The following MAP3K1 variants were observed in gnomAD, a reference collection of about 807,000 sequenced individuals.
MAP3K1 encodes the protein mitogen-activated protein kinase kinase kinase 1.
A neutral mutation model predicts 144.2 loss-of-function variants in MAP3K1; 36 were observed. That is an observed-to-expected ratio of 0.25 (90% CI 0.19 to 0.33). The LOEUF (loss-of-function observed/expected upper bound fraction) is 0.33, where lower values mean the gene tolerates loss of function less well. Ranked by LOEUF, MAP3K1 falls within the 10% of genes least tolerant of loss-of-function variation. The pLI is 1.00. For missense variants in MAP3K1, 1,650 were observed against 1,881.9 expected, an observed-to-expected ratio of 0.88 and a Z score of 2.28; for synonymous variants, 718 against 688.7, an observed-to-expected ratio of 1.04 and a Z score of -0.67.
rs1388270782 is a variant in MAP3K1 at position 56,881,136 on chromosome 5, C to T, written c.2233C>T (p.Gln745Ter). The T allele has an allele frequency of 6.2e-7, 1 of 1,613,664 alleles. No homozygotes were observed. ...TGTCTTAAATTGTATTCTTGGAAAC[C>T]AAACTGAATCAAACAATTGGCAAGA... ...DYVLNCILGN[Q>*]TESNNWQELL... Residue 745 changes from glutamine to a stop codon, truncating the protein, a stop_gained, in exon 13 of 20, where the codon CAA (glutamine) becomes TAA (stop). Coordinates refer to ENST00000399503, the MANE Select transcript of MAP3K1 (RefSeq NM_005921.2). LOFTEE classifies it high-confidence loss of function.
chr5:56,855,468 C>A (rs1302196322), intron 1 of MAP3K1, among the ~76,000 whole-genome samples: 2 of 152,182 alleles, frequency 1.3e-5, no homozygotes, highest in African/African-American at 4.8e-5. Flanking sequence ...GTTGCTGATA[C>A]AAAGATGTTT....
At chr5:56,835,431 G>A (rs1360326967) in intron 1 of MAP3K1, among the ~76,000 whole-genome samples, 2 of 139,542 alleles carry the variant, frequency 1.4e-5, no homozygotes, top group East Asian at 4.0e-4. Flanking sequence ...GGAAGGCAGG[G>A]AAGAGGAGAC....
At chr5:56,888,153 A>G (rs751400545) in intron 18 of MAP3K1, 73 bp from the exon 19 acceptor site, 62 of 1,372,510 alleles carry the variant, frequency 4.5e-5, no homozygotes, top group Non-Finnish European at 6.2e-5. Flanking sequence ...AAGGAAGTAG[A>G]ATCTATAACT....
intron 1 of MAP3K1, among the ~76,000 whole-genome samples, chr5:56,836,661 T>C (rs560316330): frequency 6.6e-6 from 1 of 152,108 alleles, no homozygotes; most frequent in Non-Finnish European, 1.5e-5. Flanking sequence ...TATTGAAGTT[T>C]TGTCTTGTGT....
chr5:56,839,135 A>G (rs1199782394), intron 1 of MAP3K1, among the ~76,000 whole-genome samples: 3 of 152,222 alleles, frequency 2.0e-5, no homozygotes, highest in African/African-American at 7.2e-5. Flanking sequence ...AGTAATCCAT[A>G]TGGTGCTCTT....
chr5:56,852,632 C>T (rs1171481761), intron 1 of MAP3K1, among the ~76,000 whole-genome samples: 4 of 152,112 alleles, frequency 2.6e-5, no homozygotes, highest in Non-Finnish European at 5.9e-5. Context: ...AAGGTAGTTT[C>T]TCAAAACACA....
intron 19 of MAP3K1, among the ~76,000 whole-genome samples, chr5:56,889,489 A>G (rs76125451): frequency 0.02 from 2,989 of 152,240 alleles, 119 homozygotes; most frequent in African/African-American, 0.066. Flanking sequence ...TATTTTAAAA[A>G]TTCACACCCA....
chr5:56,829,557 C>T (rs1474551582), intron 1 of MAP3K1, among the ~76,000 whole-genome samples: 2 of 152,104 alleles, frequency 1.3e-5, no homozygotes, highest in Non-Finnish European at 1.5e-5. Flanking sequence ...GGACATTCAG[C>T]AGTAATTATT....
At chr5:56,873,840 T>G (rs1747935408) in intron 9 of MAP3K1, among the ~76,000 whole-genome samples, 1 of 152,154 alleles carries the variant, frequency 6.6e-6, no homozygotes, top group Non-Finnish European at 1.5e-5. Flanking sequence ...AACCCATTTA[T>G]GAATCTAATA....
chr5:56,816,350 G>A (rs1181065497), intron 1 of MAP3K1, among the ~76,000 whole-genome samples: 2 of 152,076 alleles, frequency 1.3e-5, no homozygotes, highest in African/African-American at 2.4e-5. Flanking sequence ...AGGGGGCCAC[G>A]GCTGGCTTTG....
At position 56,864,922 on chromosome 5, in the gene MAP3K1, T is replaced by C. The variant is rs1223220434; in HGVS notation, c.1023T>C (p.Phe341=). The change falls in exon 4 of 20, where the codon TTT becomes TTC. Residue 341 remains phenylalanine, a synonymous_variant. Coordinates refer to ENST00000399503, the MANE Select transcript of MAP3K1 (RefSeq NM_005921.2). Reference sequence around the variant, plus strand: ...GCCCAGACAATAAATACCGGGTGTTTATTGGGCCTCAGGTAGGATTCGTCA... The same window carrying C: ...GCCCAGACAATAAATACCGGGTGTTCATTGGGCCTCAGGTAGGATTCGTCA... ...GDSPDNKYRV[F]IGPQNCSCAR... 1 of 1,614,096 alleles carries C rather than the reference T, an allele frequency of 6.2e-7. No homozygotes were observed. The highest frequency in any genetic ancestry group is 1.1e-5 in the South Asian group (1 of 91,080).
rs33326 is a variant in MAP3K1, at chr5:56,846,774, G to C, written c.483-9826G>C. The stretch of plus-strand genomic sequence containing the variant: ...CCTGTCAGTGCTCATGATTGTTTCC[G>C]TGGCTTAACAAAGTGTACATATTTA... On this transcript the variant is annotated intron_variant, in intron 1 of 19. Coordinates refer to ENST00000399503, the MANE Select transcript of MAP3K1 (RefSeq NM_005921.2). Among the ~76,000 whole-genome samples the C allele has an allele frequency of 3.3e-5, 5 of 152,172 alleles. No homozygotes were observed. The East Asian group carries it at 9.7e-4, about 29-fold the overall frequency.
At chr5:56,876,439 C>A (rs139727337) in intron 10 of MAP3K1, among the ~76,000 whole-genome samples, 2 of 152,292 alleles carry the variant, frequency 1.3e-5, no homozygotes, top group African/African-American at 4.8e-5. Context: ...TCTAATGCAT[C>A]CTCTACCGAT....
At chr5:56,846,451 A>G (rs1361754835) in intron 1 of MAP3K1, among the ~76,000 whole-genome samples, 1 of 152,194 alleles carries the variant, frequency 6.6e-6, no homozygotes, top group Non-Finnish European at 1.5e-5. Context: ...TTAAAAAATA[A>G]TTGTACCTGA....
chr5:56,851,413 A>G (rs1296720998), intron 1 of MAP3K1, among the ~76,000 whole-genome samples: 1 of 152,162 alleles, frequency 6.6e-6, no homozygotes, highest in Non-Finnish European at 1.5e-5. Context: ...TGCAGCATGT[A>G]CACTTGGCCC....
At chr5:56,829,187 T>C (rs1208535730) in intron 1 of MAP3K1, among the ~76,000 whole-genome samples, 10 of 151,256 alleles carry the variant, frequency 6.6e-5, no homozygotes, top group Admixed American at 2.6e-4. Context: ...TTTTTTTTTT[T>C]CCTCTTTTTT....
At chr5:56,859,528 G>T in intron 2 of MAP3K1, 187 bp from the exon 3 acceptor site, 1 of 574,282 alleles carries the variant, frequency 1.7e-6, no homozygotes, top group African/African-American at 1.9e-5. Flanking sequence ...ACTGAAATTT[G>T]TGCAGGTAAA....
At chr5:56,845,925 T>TG (rs1746979084) in intron 1 of MAP3K1, among the ~76,000 whole-genome samples, 1 of 152,228 alleles carries the variant, frequency 6.6e-6, no homozygotes, top group Non-Finnish European at 1.5e-5. Flanking sequence ...ACCTTAAGCC[T>TG]GATGGATGTT....
In MAP3K1 at chr5:56,879,057, G is replaced by A; in HGVS notation, c.2043G>A (p.Gln681=). Residue 681 remains glutamine, a synonymous_variant, in exon 11 of 20, where the codon CAG becomes CAA. Coordinates refer to ENST00000399503, the MANE Select transcript of MAP3K1 (RefSeq NM_005921.2). Reference sequence around the variant, plus strand: ...GAATCAAACTTCAGAGACTTCTCCAGCCAGTTGTAGACACCATCCTAGTCA... The same window carrying A: ...GAATCAAACTTCAGAGACTTCTCCAACCAGTTGTAGACACCATCCTAGTCA... ...AERIKLQRLL[Q]PVVDTILVKC... is the part of the protein sequence containing the mutation. 6.2e-7 allele frequency: 1 copy of A among 1,613,886 alleles called. No individual in the cohort carries two copies. Among genetic ancestry groups the A allele is most frequent in the South Asian group, 1.1e-5 (1 of 91,084 alleles).
Sources: allele counts gnomAD v4.1 joint callset (sites outside exome capture counted in the v4.1 genomes callset), GRCh38; gene constraint gnomAD v4.1.1; transcripts MANE v1.5; gene names NCBI Gene and HGNC (gene_info 2026-07-23, HGNC 2026-07-21).